ELK3: variants seen among roughly 807,000 people sequenced by gnomAD.
The protein encoded by ELK3 is ETS domain-containing protein Elk-3.
In ELK3, 10 loss-of-function variants were observed where a neutral mutation model predicts 28.9. The ratio of observed to expected loss-of-function variants is 0.35; its 90% CI spans 0.21 to 0.59. ELK3 has a LOEUF of 0.59. Among genes scored for constraint, ELK3 ranks in the 20% least tolerant of loss-of-function variants. ELK3 has a pLI of 0.82. For missense variants in ELK3, 463 were observed against 517.3 expected (o/e 0.90, Z 1.02); for synonymous variants, 272 against 243.5 (o/e 1.12, Z -1.09).
intron 1 of ELK3, among the ~76,000 whole-genome samples, chr12:96,222,161 GATTATT>G (rs1031384789): frequency 6.6e-6 from 1 of 151,992 alleles, no homozygotes; most frequent in Non-Finnish European, 1.5e-5. Context: ...AACACAAATG[GATTATT>G]ATTATTATTA....
Position 96,267,093 on chromosome 12 carries a change from G to A in ELK3, c.1137G>A (p.Leu379=), listed in dbSNP as rs1216966232. 2 of 1,613,040 alleles carry A rather than the reference G, an allele frequency of 1.2e-6. No individual in the cohort carries two copies. The highest frequency in any genetic ancestry group is 3.3e-5 in the Admixed American group (2 of 59,792). Residue 379 remains leucine, a synonymous_variant, in exon 5 of 5, where the codon CTG becomes CTA. Coordinates refer to ENST00000228741, the MANE Select transcript of ELK3 (RefSeq NM_005230.4). ...GPSTLFQFPT[L]LNGHMPVPIP... is the part of the protein sequence containing the mutation. ...TTTGTCCCCTACAGTTCCCCACACT[G>A]CTTAATGGCCACATGCCAGTGCCAA...
intron 2 of ELK3, among the ~76,000 whole-genome samples, chr12:96,232,887 G>A (rs954656708): frequency 4.6e-5 from 7 of 152,150 alleles, no homozygotes; most frequent in Admixed American, 6.5e-5. Context: ...AGGATCACTT[G>A]AGCCCAGGAA....
chr12:96,234,136 G>A (rs536241920), intron 2 of ELK3, among the ~76,000 whole-genome samples: 1 of 152,168 alleles, frequency 6.6e-6, no homozygotes, highest in African/African-American at 2.4e-5. Context: ...CTGGGAGCAG[G>A]GGGCTGCGTG....
At chr12:96,213,081 T>C (rs1463998837) in intron 1 of ELK3, among the ~76,000 whole-genome samples, 1 of 152,180 alleles carries the variant, frequency 6.6e-6, no homozygotes, top group Non-Finnish European at 1.5e-5. Context: ...AATAAATAGC[T>C]GTTTATGTGT....
intron 3 of ELK3, among the ~76,000 whole-genome samples, chr12:96,251,176 ATGTC>A (rs1951902586): frequency 6.6e-6 from 1 of 152,068 alleles, no homozygotes; most frequent in South Asian, 2.1e-4. Context: ...CCTTACTATT[ATGTC>A]TGTTATAGTG....
chr12:96,264,281 C>G (rs1952013904), intron 4 of ELK3, among the ~76,000 whole-genome samples: 2 of 152,128 alleles, frequency 1.3e-5, no homozygotes, highest in African/African-American at 4.8e-5. Context: ...ACGACCATAC[C>G]TGGCTAGAGG....
chr12:96,247,206 C>G lies in ELK3; in HGVS notation c.474C>G (p.Phe158Leu). ...CCCTGCAGAACCCACCAGACGCCTT[C>G]AAGGCCATCAAGACGGAGAAGCTGG... Reference protein sequence around the residue: ...INSLQNPPDAFKAIKTEKLEE... With the variant: ...INSLQNPPDALKAIKTEKLEE... Residue 158 changes from phenylalanine to leucine, a missense_variant, in exon 3 of 5, where the codon TTC becomes TTG. This residue lies in a region of ELK3 where 408 missense variants were observed against 414.8 expected (regional missense o/e 0.98). Transcript: ENST00000228741. This position sits in a 1 kb window ranked among gnomAD's most constrained non-coding sequence, Gnocchi z 5.5. 6.2e-7 allele frequency: 1 copy of G among 1,614,216 alleles called. No individual in the cohort carries two copies. Among genetic ancestry groups the G allele is most frequent in the Non-Finnish European group, 8.5e-7 (1 of 1,180,024 alleles).
rs897299651 is a variant in ELK3, at chr12:96,267,637, A to AAATT, written c.*459_*462dup. Reference sequence around the variant, plus strand: ...TTAAGAGGAAATGTTTGAAAGATGAAAATTAGTATCAAACAGCTCTCTAGT... The same window carrying AAATT: ...TTAAGAGGAAATGTTTGAAAGATGAAAATTAATTAGTATCAAACAGCTCTCTAGT... On this transcript the variant is annotated 3_prime_UTR_variant, in exon 5 of 5. Transcript: ENST00000228741. 7.2e-5 allele frequency: 11 copies of AAATT among 152,958 alleles called. No individual in the cohort carries two copies. The highest frequency in any genetic ancestry group is 2.7e-4 in the African/African-American group (11 of 41,452). 9.5% of individuals were successfully genotyped at this position (152,958 alleles called of 1,614,324 possible).
At chr12:96,207,164 A>G (rs1231601906) in intron 1 of ELK3, among the ~76,000 whole-genome samples, 1 of 152,218 alleles carries the variant, frequency 6.6e-6, no homozygotes, top group Non-Finnish European at 1.5e-5. Context: ...GAGAGGTGAG[A>G]GGGCTGTGCT....
intron 3 of ELK3, chr12:96,255,569 G>T (rs529335036): frequency 6.6e-6 from 1 of 152,356 alleles, no homozygotes; most frequent in South Asian, 2.1e-4. Flanking sequence ...GTTTGGGGAG[G>T]GAAGTGTCTA....
At chr12:96,236,396 C>T (rs1474953265) in intron 2 of ELK3, among the ~76,000 whole-genome samples, 1 of 152,230 alleles carries the variant, frequency 6.6e-6, no homozygotes, top group Non-Finnish European at 1.5e-5. Context: ...GCCTCAACTT[C>T]AGGCTGGCCA....
intron 4 of ELK3, among the ~76,000 whole-genome samples, chr12:96,264,879 T>C (rs930456923): frequency 4.6e-5 from 7 of 152,252 alleles, no homozygotes; most frequent in Admixed American, 2.0e-4. Context: ...TGGTGGCTTC[T>C]CATTTAATAC....
intron 2 of ELK3, 50 bp from the exon 3 acceptor site, chr12:96,246,890 T>G: frequency 6.6e-7 from 1 of 1,524,828 alleles, no homozygotes; most frequent in Non-Finnish European, 8.8e-7. Context: ...AGCTCTTACA[T>G]GGTTTCTCGG....
chr12:96,223,781 C>T lies in ELK3; in HGVS notation c.207+8C>T, dbSNP rs1316340815. On this transcript the variant is annotated splice_region_variant and intron_variant, in intron 2 of 4. Transcript: ENST00000228741. ...CGATACTATTATGACAAGGTAAACC[C>T]TTGACCTTGCATGGGGCCGTCTTGG... 15 of 1,613,576 alleles carry T rather than the reference C, an allele frequency of 9.3e-6. No individual in the cohort carries two copies. Among genetic ancestry groups the T allele is most frequent in the South Asian group, 3.3e-5 (3 of 91,060 alleles).
chr12:96,243,435 A>G (rs1407606124), intron 2 of ELK3, among the ~76,000 whole-genome samples: 5 of 151,478 alleles, frequency 3.3e-5, no homozygotes, highest in Admixed American at 2.6e-4. Context: ...GAATCATAGA[A>G]TAGAATATTC....
intron 2 of ELK3, among the ~76,000 whole-genome samples, chr12:96,239,351 G>T (rs1951804873): frequency 6.6e-6 from 1 of 152,082 alleles, no homozygotes; most frequent in Non-Finnish European, 1.5e-5. Flanking sequence ...AAAGGTATGG[G>T]GAAGTGTTAG....
intron 2 of ELK3, among the ~76,000 whole-genome samples, chr12:96,239,413 C>T (rs534707736): frequency 6.6e-6 from 1 of 152,080 alleles, no homozygotes; most frequent in South Asian, 2.1e-4. Context: ...TATGGCTCTC[C>T]CAATATTTAA....
chr12:96,196,103 A>G (rs1951464251), intron 1 of ELK3, among the ~76,000 whole-genome samples: 1 of 152,116 alleles, frequency 6.6e-6, no homozygotes, highest in Non-Finnish European at 1.5e-5. Flanking sequence ...AGTCATTGCT[A>G]AGTAATGTCT....
intron 3 of ELK3, among the ~76,000 whole-genome samples, chr12:96,257,975 T>G (rs1951964108): frequency 6.6e-6 from 1 of 152,252 alleles, no homozygotes; most frequent in Admixed American, 6.5e-5. Flanking sequence ...TGGCACTTGT[T>G]GAGCATTTCT....
Sources: allele counts gnomAD v4.1 joint callset (sites outside exome capture counted in the v4.1 genomes callset), GRCh38; gene constraint gnomAD v4.1.1; regional missense constraint gnomAD v4.1.1; non-coding constraint Gnocchi (gnomAD v3.1); transcripts MANE v1.5; gene names NCBI Gene and HGNC (gene_info 2026-07-23, HGNC 2026-07-21).